The following C8B variants were observed in gnomAD, a reference collection of about 807,000 sequenced individuals.
C8B encodes complement component C8 beta chain.
C8B carries 67 observed loss-of-function variants against 64.6 expected under a neutral mutation model. That is an observed-to-expected ratio of 1.04 (90% CI 0.85 to 1.27). C8B has a LOEUF of 1.27. Ranked by LOEUF, C8B falls within the 50% of genes most tolerant of loss-of-function variation. C8B has a pLI of 0.00. For synonymous variants in C8B, 284 were observed against 257.7 expected (o/e 1.10, Z -0.98); for missense variants, 790 against 725.2 (o/e 1.09, Z -1.03).
rs1644992629 is a variant in C8B at position 56,949,690 on chromosome 1, A to T, written c.729T>A (p.Asn243Lys). ...EYESYSDFERNVTEKMASKSG... is the reference protein window; with the variant it reads ...EYESYSDFERKVTEKMASKSG... ...ACTTGCTTGCCATTTTCTCTGTGAC[A>T]TTGCGTTCAAAATCTGAGTATGATT... Residue 243 changes from asparagine to lysine, a missense_variant, in exon 6 of 12, where the codon AAT becomes AAA. Transcript: ENST00000371237. 1 of 1,614,044 alleles carries T rather than the reference A, an allele frequency of 6.2e-7. No homozygotes were observed. The highest frequency in any genetic ancestry group is 1.3e-5 in the African/African-American group (1 of 75,066).
At chr1:56,950,780 C>G (rs1645009189) in intron 5 of C8B, among the ~76,000 whole-genome samples, 2 of 152,158 alleles carry the variant, frequency 1.3e-5, no homozygotes, top group South Asian at 2.1e-4. Flanking sequence ...CAGGCTTGTT[C>G]TGAGGATTGG....
At chr1:56,945,705 G>GA in intron 7 of C8B, 116 bp downstream of exon 7, 1 of 1,277,552 alleles carries the variant, frequency 7.8e-7, no homozygotes, top group Admixed American at 1.7e-5. Flanking sequence ...AGAGGAAGAG[G>GA]AATCTGCAAA....
At chr1:56,938,473 TA>T (rs1424725560) in intron 9 of C8B, among the ~76,000 whole-genome samples, 12 of 152,246 alleles carry the variant, frequency 7.9e-5, no homozygotes, top group African/African-American at 2.9e-4. Context: ...ACAGAAAATG[TA>T]TTCTAAAATC....
Position 56,950,066 on chromosome 1 carries a change from G to A in C8B, c.667-314C>T, listed in dbSNP as rs146286256. 9.8e-5 allele frequency among the ~76,000 whole-genome samples: 15 copies of A among 152,336 alleles called. No individual in the cohort carries two copies. In the East Asian group the frequency reaches 2.9e-3, roughly 29 times the overall value. On this transcript the variant is annotated intron_variant, in intron 5 of 11. Coordinates refer to ENST00000371237, the MANE Select transcript of C8B (RefSeq NM_000066.4). ...AAGCATGGAGGTGGGAAAGGGGAGGGTGTGCCCCAGGAACTGCAAGGATAG... is the reference window on the plus strand; with the variant it reads ...AAGCATGGAGGTGGGAAAGGGGAGGATGTGCCCCAGGAACTGCAAGGATAG...
chr1:56,963,170 C>T (rs1221820701), intron 1 of C8B, among the ~76,000 whole-genome samples: 1 of 152,100 alleles, frequency 6.6e-6, no homozygotes, highest in African/African-American at 2.4e-5. Flanking sequence ...AGCATTAGGA[C>T]ACATTTAACT....
intron 6 of C8B, 101 bp downstream of exon 6, chr1:56,949,454 G>A (rs1644988472): frequency 4.4e-6 from 5 of 1,140,108 alleles, no homozygotes; most frequent in Non-Finnish European, 5.2e-6. Context: ...CCAAGTAAAT[G>A]TCTTTTCTTT....
intron 8 of C8B, 122 bp from the exon 9 acceptor site, chr1:56,941,134 G>A: frequency 9.1e-7 from 1 of 1,103,354 alleles, no homozygotes. Context: ...AGATGTGGGT[G>A]GACCAGACAC....
chr1:56,946,854 G>A (rs1275846216), intron 6 of C8B, among the ~76,000 whole-genome samples: 2 of 152,124 alleles, frequency 1.3e-5, no homozygotes, highest in African/African-American at 4.8e-5. Context: ...AGATATGTTC[G>A]GCCTAATCCT....
chr1:56,929,720 C>A (rs1391841549), intron 11 of C8B, among the ~76,000 whole-genome samples, 162 bp from the exon 12 acceptor site: 2 of 152,154 alleles, frequency 1.3e-5, no homozygotes, highest in Admixed American at 6.5e-5. Context: ...CTCTTGCCTA[C>A]CACAGGGCCT....
chr1:56,930,641 C>T (rs970221562), intron 11 of C8B, among the ~76,000 whole-genome samples: 8 of 152,146 alleles, frequency 5.3e-5, no homozygotes, highest in African/African-American at 1.7e-4. Context: ...GGACCTGAAC[C>T]TGGGTTTCCA....
chr1:56,962,284 TG>T (rs1426106843), intron 1 of C8B, among the ~76,000 whole-genome samples: 1 of 152,220 alleles, frequency 6.6e-6, no homozygotes, highest in Non-Finnish European at 1.5e-5. Context: ...GGCAATATAA[TG>T]AAGTAACCAG....
intron 8 of C8B, 62 bp from the exon 9 acceptor site, chr1:56,941,074 G>A (rs1044146516): frequency 2.1e-5 from 33 of 1,582,642 alleles, no homozygotes; most frequent in Non-Finnish European, 2.2e-5. Context: ...AGAATTTGCT[G>A]CAACCCAACC....
chr1:56,950,303 A>G (rs951178210), intron 5 of C8B, among the ~76,000 whole-genome samples: 3 of 152,160 alleles, frequency 2.0e-5, no homozygotes, highest in Non-Finnish European at 4.4e-5. Flanking sequence ...AGAGTCAGAG[A>G]GACAAACCCA....
rs377623911 is a variant in C8B at position 56,931,825 on chromosome 1, C to T, written c.1606G>A (p.Val536Ile). Reference sequence around the variant, plus strand: ...ATTAACTTACTCTTCCGATAGGAGACCTCACAGGCTAGGCCTTGGGATCCA... The same window carrying T: ...ATTAACTTACTCTTCCGATAGGAGATCTCACAGGCTAGGCCTTGGGATCCA... ...PVGSQGLACE[V>I]SYRKNTPIDG... Residue 536 changes from valine to isoleucine, a missense_variant, in exon 11 of 12, where the codon GTC (valine) becomes ATC (isoleucine). Physicochemically the swap from Val to Ile is conservative, Grantham distance 29. Coordinates refer to ENST00000371237, the MANE Select transcript of C8B (RefSeq NM_000066.4). 3.8e-5 allele frequency: 62 copies of T among 1,610,660 alleles called. No individual in the cohort carries two copies. The highest frequency in any genetic ancestry group is 5.3e-5 in the Non-Finnish European group (62 of 1,177,788).
intron 2 of C8B, among the ~76,000 whole-genome samples, chr1:56,958,106 A>G (rs1019165712): frequency 6.6e-6 from 1 of 152,092 alleles, no homozygotes; most frequent in African/African-American, 2.4e-5. Context: ...GAGAGTGGCC[A>G]GAGTGGGAGG....
At chr1:56,956,662 T>C in intron 3 of C8B, 107 bp downstream of exon 3, 1 of 1,233,648 alleles carries the variant, frequency 8.1e-7, no homozygotes, top group East Asian at 2.3e-5. Context: ...CCTCCTGAGC[T>C]GCCCCATGAC....
chr1:56,965,010 G>T (rs1294525220), intron 1 of C8B, among the ~76,000 whole-genome samples: 1 of 152,212 alleles, frequency 6.6e-6, no homozygotes, highest in Non-Finnish European at 1.5e-5. Context: ...GTTCCTAATG[G>T]CAGCTCAACA....
chr1:56,944,349 C>T (rs1367898936), intron 7 of C8B, among the ~76,000 whole-genome samples: 2 of 152,206 alleles, frequency 1.3e-5, no homozygotes, highest in Non-Finnish European at 2.9e-5. Flanking sequence ...CCCTAATTCT[C>T]CCTGAGGCAT....
At chr1:56,944,220 T>G (rs1172960261) in intron 7 of C8B, among the ~76,000 whole-genome samples, 1 of 151,766 alleles carries the variant, frequency 6.6e-6, no homozygotes, top group Non-Finnish European at 1.5e-5. Context: ...GTAGAAAAAG[T>G]GTGTTAATTA....
Sources: allele counts gnomAD v4.1 joint callset (sites outside exome capture counted in the v4.1 genomes callset), GRCh38; gene constraint gnomAD v4.1.1; transcripts MANE v1.5; gene names NCBI Gene and HGNC (gene_info 2026-07-23, HGNC 2026-07-21).